CDK17: variants seen among roughly 807,000 people sequenced by gnomAD.
CDK17 encodes the protein cyclin dependent kinase 17.
CDK17 carries 24 observed loss-of-function variants against 77.6 expected under a neutral mutation model. That is an observed-to-expected ratio of 0.31 (90% CI 0.22 to 0.44). The LOEUF is 0.44. Among genes scored for constraint, CDK17 ranks in the 20% least tolerant of loss-of-function variants. The pLI, the probability that CDK17 is intolerant of heterozygous loss-of-function variation, is 1.00. For synonymous variants in CDK17, 203 were observed against 210.4 expected (o/e 0.96, Z 0.30); for missense variants, 429 against 622.5 (o/e 0.69, Z 3.31).
chr12:96,375,317 A>G (rs1254811705), intron 1 of CDK17, among the ~76,000 whole-genome samples: 3 of 151,894 alleles, frequency 2.0e-5, no homozygotes, highest in Non-Finnish European at 2.9e-5. Context: ...GTTTTCTTCC[A>G]ACCTCTCTGG....
intron 1 of CDK17, among the ~76,000 whole-genome samples, chr12:96,352,699 T>C (rs1305452772): frequency 6.6e-6 from 1 of 152,192 alleles, no homozygotes; most frequent in Non-Finnish European, 1.5e-5. Flanking sequence ...CTTCAGTCTG[T>C]ACTGTCCTTT....
intron 1 of CDK17, among the ~76,000 whole-genome samples, chr12:96,377,410 A>C (rs1953795782): frequency 1.3e-5 from 2 of 152,230 alleles, no homozygotes; most frequent in African/African-American, 4.8e-5. Context: ...CCTGAAAACA[A>C]AGACCAATGA....
chr12:96,381,621 G>A (rs902945389), intron 1 of CDK17, among the ~76,000 whole-genome samples: 1 of 151,256 alleles, frequency 6.6e-6, no homozygotes, highest in Non-Finnish European at 1.5e-5. Flanking sequence ...TACTAAAGTA[G>A]AATTAAAAAT....
intron 5 of CDK17, among the ~76,000 whole-genome samples, chr12:96,305,510 AG>A (rs142809001): frequency 0.22 from 32,840 of 152,182 alleles, 4,406 homozygotes; most frequent in Middle Eastern, 0.32. Context: ...GTAAATAAAA[AG>A]TCACTGGAAA....
chr12:96,298,660 A>T (rs1177826866), intron 7 of CDK17, among the ~76,000 whole-genome samples: 2 of 152,212 alleles, frequency 1.3e-5, no homozygotes, highest in African/African-American at 4.8e-5. Context: ...TGTCTATGAT[A>T]GTGATTTTTA....
chr12:96,367,957 C>T (rs1953615323), intron 1 of CDK17, among the ~76,000 whole-genome samples: 2 of 151,498 alleles, frequency 1.3e-5, no homozygotes, highest in African/African-American at 4.8e-5. Context: ...AAAACGTATA[C>T]ATCAAAAAAC....
chr12:96,357,445 C>A (rs1953413588), intron 1 of CDK17, among the ~76,000 whole-genome samples: 1 of 152,096 alleles, frequency 6.6e-6, no homozygotes, highest in African/African-American at 2.4e-5. Flanking sequence ...CAAAGTGAGA[C>A]CCTGTCTCAA....
At position 96,297,649 on chromosome 12, in the gene CDK17, A is replaced by C; in HGVS notation, c.788T>G (p.Leu263Trp). ...LHDIVHTDKS[L>W]TLVFEYLDKD... ...TACCAGATACTCAAACACCAAAGTC[A>C]AGGATTTATCTGTGTGAACAATGTC... Residue 263 changes from leucine (L) to tryptophan (W), a missense_variant, in exon 8 of 17, where the codon TTG becomes TGG. Coordinates refer to ENST00000261211, the MANE Select transcript of CDK17 (RefSeq NM_002595.5). The C allele has an allele frequency of 6.2e-7, 1 of 1,600,666 alleles. No individual in the cohort carries two copies. Among genetic ancestry groups the C allele is most frequent in the Non-Finnish European group, 8.6e-7 (1 of 1,169,504 alleles).
chr12:96,316,347 A>G lies in CDK17; in HGVS notation c.284-2893T>C, dbSNP rs563770704. 7.8e-3 allele frequency among the ~76,000 whole-genome samples: 1,177 copies of G among 151,608 alleles called. 12 individuals carry two copies. Among genetic ancestry groups the G allele is most frequent in the African/African-American group, 0.027 (1,117 of 41,298 alleles). On this transcript the variant is annotated intron_variant, in intron 3 of 16. Transcript: ENST00000261211. Reference sequence around the variant, plus strand: ...CTGATTGCTAGCACAGCAGTCTGAGATCAAACCGCAAGGCGGCAGCGAGGC... The same window carrying G: ...CTGATTGCTAGCACAGCAGTCTGAGGTCAAACCGCAAGGCGGCAGCGAGGC...
intron 1 of CDK17, among the ~76,000 whole-genome samples, chr12:96,363,384 G>A (rs1238228832): frequency 3.3e-5 from 5 of 150,304 alleles, no homozygotes; most frequent in Non-Finnish European, 7.4e-5. Context: ...CCAGGAGGCA[G>A]AGGTTGCAGT....
chr12:96,291,636 T>TTC (rs1176140766), intron 10 of CDK17, among the ~76,000 whole-genome samples: 1 of 146,396 alleles, frequency 6.8e-6, no homozygotes, highest in East Asian at 1.9e-4. Context: ...TGCTTTTTTT[T>TTC]TTTTTTTTTT....
At chr12:96,304,564 G>A (rs1215677052) in intron 5 of CDK17, among the ~76,000 whole-genome samples, 1 of 152,080 alleles carries the variant, frequency 6.6e-6, no homozygotes, top group Non-Finnish European at 1.5e-5. Flanking sequence ...AACAGCAGGG[G>A]AAGAGGGAGG....
chr12:96,317,830 GC>G (rs1952754000), intron 3 of CDK17, among the ~76,000 whole-genome samples: 3 of 150,196 alleles, frequency 2.0e-5, no homozygotes, highest in Admixed American at 6.7e-5. Context: ...ACTGGTACCA[GC>G]CGCTGCAAAA....
At position 96,379,891 on chromosome 12, in the gene CDK17, G is replaced by T. The variant is rs117759064; in HGVS notation, c.-30+20095C>A. ...AAGAGACAGTAAAACAATTCTCCCT[G>T]GGCGCTGTAGCTAACATCTTTAATC... On this transcript the variant is annotated intron_variant, in intron 1 of 16. Coordinates refer to ENST00000261211, the MANE Select transcript of CDK17 (RefSeq NM_002595.5). 1.4e-4 allele frequency among the ~76,000 whole-genome samples: 21 copies of T among 152,182 alleles called. No homozygotes were observed. In the East Asian group the frequency reaches 3.9e-3, roughly 28 times the overall value.
chr12:96,362,584 TATCTGTAAAACTTC>T (rs142404742), intron 1 of CDK17, among the ~76,000 whole-genome samples: 27,157 of 152,130 alleles, frequency 0.18, 3,241 homozygotes, highest in Non-Finnish European at 0.27. Flanking sequence ...TCTAATATCC[TATCTGTAAAACTTC>T]ATCTGTAAAT....
chr12:96,334,906 T>C lies in CDK17; in HGVS notation c.-29-41A>G, dbSNP rs751424511. ...AAACACAAAACTAAAGCTATAAATA[T>C]TTTACCACTGAAGAAAAATACCGCC... On this transcript the variant is annotated intron_variant, in intron 1 of 16. Transcript: ENST00000261211. The C allele has an allele frequency of 2.3e-5, 19 of 825,770 alleles. No individual in the cohort carries two copies. In the East Asian group the frequency reaches 4.5e-4, roughly 20 times the overall value. 51.2% of individuals were successfully genotyped at this position (825,770 alleles called of 1,614,324 possible).
chr12:96,289,090 T>C (rs890320877), intron 11 of CDK17, 77 bp downstream of exon 11: 3 of 1,444,078 alleles, frequency 2.1e-6, no homozygotes, highest in East Asian at 4.6e-5. Flanking sequence ...TAAAAGTATA[T>C]ACTTATCAAT....
At chr12:96,370,824 C>T (rs1459053086) in intron 1 of CDK17, among the ~76,000 whole-genome samples, 2 of 152,184 alleles carry the variant, frequency 1.3e-5, no homozygotes, top group East Asian at 1.9e-4. Flanking sequence ...TTGTTAACTT[C>T]GTAATGTTTG....
At chr12:96,396,769 AAAAC>A (rs548013474) in intron 1 of CDK17, among the ~76,000 whole-genome samples, 69 of 152,310 alleles carry the variant, frequency 4.5e-4, no homozygotes, top group Middle Eastern at 6.8e-3. Context: ...TAAAACAAAC[AAAAC>A]AAACAAACAA....
Sources: gnomAD v4.1 joint callset for allele counts (sites outside exome capture counted in the v4.1 genomes callset) on GRCh38, gnomAD v4.1.1 for gene constraint, MANE v1.5 for transcripts, NCBI Gene and HGNC (gene_info 2026-07-23, HGNC 2026-07-21) for gene names.